Variants in HHLA2 observed in about 807,000 individuals in gnomAD.
HHLA2 encodes the protein HHLA2 member of B7 family, also known as HERV-H LTR-associating protein 2.
Under a neutral mutation model 45.9 loss-of-function variants are expected in HHLA2, and 48 were observed. The observed-to-expected ratio is 1.05, with a 90% CI of 0.83 to 1.33. The LOEUF (loss-of-function observed/expected upper bound fraction) is 1.33. Ranked by LOEUF, HHLA2 falls within the 40% of genes most tolerant of loss-of-function variation. The pLI, the probability that HHLA2 is intolerant of heterozygous loss-of-function variation, is 0.00. For missense variants in HHLA2, 462 were observed against 494.3 expected, an observed-to-expected ratio of 0.93 and a Z score of 0.62; for synonymous variants, 161 against 173.9, an observed-to-expected ratio of 0.93 and a Z score of 0.59.
chr3:108,372,883 G>A (rs553787350), intron 8 of HHLA2, among the ~76,000 whole-genome samples: 24 of 152,274 alleles, frequency 1.6e-4, no homozygotes, highest in African/African-American at 4.8e-4. Flanking sequence ...ATTCACAGCC[G>A]AATTCTACCA....
At chr3:108,345,962 G>A (rs937993410) in intron 3 of HHLA2, among the ~76,000 whole-genome samples, 7 of 152,178 alleles carry the variant, frequency 4.6e-5, no homozygotes, top group Admixed American at 2.6e-4. Context: ...TCTAGAGATT[G>A]TCCCTTGTGA....
chr3:108,345,308 C>T (rs1317053980), intron 3 of HHLA2, among the ~76,000 whole-genome samples: 1 of 152,172 alleles, frequency 6.6e-6, no homozygotes, highest in Non-Finnish European at 1.5e-5. Context: ...CATCCAAGTA[C>T]AATCCTCCAA....
chr3:108,335,854 T>A (rs2081463537), intron 3 of HHLA2, among the ~76,000 whole-genome samples: 1 of 152,044 alleles, frequency 6.6e-6, no homozygotes, highest in Non-Finnish European at 1.5e-5. Flanking sequence ...ATTTCCCTCA[T>A]CAAAGCAGAC....
chr3:108,354,022 A>G (rs6793736), intron 5 of HHLA2, among the ~76,000 whole-genome samples: 102,647 of 151,974 alleles, frequency 0.68, 35,564 homozygotes, highest in African/African-American at 0.77. Context: ...CATCCTTATA[A>G]TTGTACTTAA....
chr3:108,351,646 T>C (rs2081779330), intron 3 of HHLA2, 142 bp from the exon 3 acceptor site: 1 of 526,410 alleles, frequency 1.9e-6, no homozygotes, highest in African/African-American at 1.9e-5. Context: ...TATTAAGAAA[T>C]TCCTTCCATG....
At chr3:108,345,351 AGCT>A (rs781326978) in intron 3 of HHLA2, among the ~76,000 whole-genome samples, 34 of 152,262 alleles carry the variant, frequency 2.2e-4, no homozygotes, top group Middle Eastern at 3.2e-3. Context: ...AGGTAGCAGC[AGCT>A]AAGCAACACA....
intron 8 of HHLA2, among the ~76,000 whole-genome samples, chr3:108,371,558 AGT>A (rs2082172899): frequency 6.6e-6 from 1 of 152,204 alleles, no homozygotes; most frequent in Non-Finnish European, 1.5e-5. Flanking sequence ...AAGACCCATC[AGT>A]GTGCTGTATT....
chr3:108,314,081 G>A (rs772075810), intron 2 of HHLA2, among the ~76,000 whole-genome samples: 12 of 151,952 alleles, frequency 7.9e-5, no homozygotes, highest in African/African-American at 1.7e-4. Flanking sequence ...CCGTGATGTC[G>A]CATAATTGTA....
At chr3:108,302,947 TG>T (rs1312374477) in intron 1 of HHLA2, among the ~76,000 whole-genome samples, 2 of 152,208 alleles carry the variant, frequency 1.3e-5, no homozygotes, top group Admixed American at 6.5e-5. Flanking sequence ...TATGCTCTGT[TG>T]TCTTTTGTGG....
At chr3:108,299,857 T>C (rs1318442444) in intron 1 of HHLA2, among the ~76,000 whole-genome samples, 1 of 152,144 alleles carries the variant, frequency 6.6e-6, no homozygotes, top group Non-Finnish European at 1.5e-5. Context: ...TAAACTTAGA[T>C]TCTCACAGTG....
At chr3:108,363,308 G>C (rs2082010276) in intron 8 of HHLA2, among the ~76,000 whole-genome samples, 1 of 152,130 alleles carries the variant, frequency 6.6e-6, no homozygotes, top group Non-Finnish European at 1.5e-5. Context: ...GATTTAGGTG[G>C]ATCATTTAAT....
chr3:108,374,219 G>A (rs2082231953), intron 8 of HHLA2, among the ~76,000 whole-genome samples: 1 of 150,768 alleles, frequency 6.6e-6, no homozygotes, highest in Middle Eastern at 3.4e-3. Context: ...ACAAAAACAA[G>A]CAATGGGGAA....
chr3:108,354,835 A>G (rs1405182312), intron 5 of HHLA2, among the ~76,000 whole-genome samples: 1 of 152,096 alleles, frequency 6.6e-6, no homozygotes, highest in Non-Finnish European at 1.5e-5. Context: ...CAATGAGGCC[A>G]TTAGATTTCT....
intron 8 of HHLA2, among the ~76,000 whole-genome samples, chr3:108,366,394 G>A (rs2082063562): frequency 2.0e-5 from 3 of 152,144 alleles, no homozygotes; most frequent in African/African-American, 7.2e-5. Flanking sequence ...ATTTTATTGA[G>A]GATTTTCGCT....
intron 1 of HHLA2, among the ~76,000 whole-genome samples, chr3:108,297,881 C>T (rs916429587): frequency 4.6e-5 from 7 of 152,156 alleles, no homozygotes; most frequent in Non-Finnish European, 8.8e-5. Context: ...GGTCAGTGAC[C>T]GGTGTAGGTC....
chr3:108,314,246 T>C (rs1201239359), intron 2 of HHLA2, among the ~76,000 whole-genome samples: 1 of 151,860 alleles, frequency 6.6e-6, no homozygotes, highest in African/African-American at 2.4e-5. Context: ...ATGGAGGAGA[T>C]TGGGGGAACA....
chr3:108,318,661 A>T (rs1368931674), intron 2 of HHLA2, among the ~76,000 whole-genome samples: 1 of 152,198 alleles, frequency 6.6e-6, no homozygotes, highest in Non-Finnish European at 1.5e-5. Context: ...AGAAAAAAAA[A>T]TCACAACTCT....
intron 1 of HHLA2, among the ~76,000 whole-genome samples, chr3:108,299,970 C>CG (rs1311879745): frequency 4.0e-5 from 6 of 151,892 alleles, no homozygotes; most frequent in African/African-American, 1.2e-4. Context: ...GGCGAGAAGA[C>CG]GGGAAAATGA....
At chr3:108,323,006 T>A (rs2081230601) in intron 2 of HHLA2, among the ~76,000 whole-genome samples, 1 of 152,324 alleles carries the variant, frequency 6.6e-6, no homozygotes, top group South Asian at 2.1e-4. Flanking sequence ...AGTTACTACT[T>A]GCCCATTTTT....
Sources: allele counts gnomAD v4.1 joint callset (sites outside exome capture counted in the v4.1 genomes callset), GRCh38; gene constraint gnomAD v4.1.1; transcripts MANE v1.5; gene names NCBI Gene and HGNC (gene_info 2026-07-23, HGNC 2026-07-21).